CD101: variants seen among roughly 807,000 people sequenced by gnomAD.
CD101 encodes CD101 molecule, also known as immunoglobulin superfamily member 2.
A neutral mutation model predicts 98.2 loss-of-function variants in CD101; 76 were observed. The observed-to-expected ratio is 0.77, with a 90% CI of 0.64 to 0.94. The LOEUF (loss-of-function observed/expected upper bound fraction) is 0.94. CD101 is among the 40% of genes least tolerant of loss of function. CD101 has a pLI of 0.00. For missense variants in CD101, 1,145 were observed against 1,218.8 expected (o/e 0.94, Z 0.90); for synonymous variants, 471 against 472.7 (o/e 1.00, Z 0.05).
At chr1:117,030,486 AAGAG>A (rs781463130) in intron 8 of CD101, among the ~76,000 whole-genome samples, 1 of 151,994 alleles carries the variant, frequency 6.6e-6, no homozygotes, top group Admixed American at 6.6e-5. Flanking sequence ...GAGAAAGAGA[AAGAG>A]AGAAAGGGAA....
rs1654847594 is a variant in CD101 at position 117,036,533 on chromosome 1, C to CT, written c.*400dup. ...TGTGACAAGTAAAAAAAAAAAAAAA[C>CT]TCCTTTTCATCAAAACTCATGTTCT... is the stretch of plus-strand genomic sequence containing the variant. On this transcript the variant is annotated 3_prime_UTR_variant, in exon 10 of 10. Coordinates refer to ENST00000682167, the MANE Select transcript of CD101 (RefSeq NM_001256106.3). This position sits in a 1 kb window ranked among gnomAD's most constrained non-coding sequence, Gnocchi z 5.0. The CT allele has an allele frequency of 6.7e-6, 1 of 149,944 alleles. No homozygotes were observed. The highest frequency in any genetic ancestry group is 2.5e-5 in the African/African-American group (1 of 39,876). The allele number at this position is 149,944 out of a possible 1,614,324, so 9.3% of individuals were successfully genotyped here.
chr1:117,018,233 G>A lies in CD101; in HGVS notation c.1690G>A (p.Val564Met), dbSNP rs769266608. ...LTNTFDLSCV[V>M]RAGYSDLKVP... ...CAACACCTTTGACCTGTCCTGTGTC[G>A]TGAGGGCCGGTTACTCTGACCTCAA... Residue 564 changes from valine to methionine, a missense_variant, in exon 6 of 10, where the codon GTG becomes ATG. Val to Met is a conservative substitution (Grantham distance 21, BLOSUM62 1). Transcript: ENST00000682167. This position sits in a 1 kb window ranked among gnomAD's most constrained non-coding sequence, Gnocchi z 4.3. 1.6e-5 allele frequency: 26 copies of A among 1,614,124 alleles called. No individual in the cohort carries two copies. Among genetic ancestry groups the A allele is most frequent in the East Asian group, 2.2e-5 (1 of 44,884 alleles).
Position 117,011,900 on chromosome 1 carries a change from G to A in CD101, c.775G>A (p.Asp259Asn), listed in dbSNP as rs749560687. Residue 259 changes from aspartate to asparagine, a missense_variant, in exon 3 of 10, where the codon GAT (aspartate) becomes AAT (asparagine). Asp to Asn is a conservative substitution (Grantham distance 23, BLOSUM62 1). Transcript: ENST00000682167. ...GGCAACGGAATGGATTCAGGATCCA[G>A]ATGAAACTTGGATGTTCATCACCAA... ...CEATEWIQDP[D>N]ETWMFITKKQ... is the part of the protein sequence containing the mutation. The A allele has an allele frequency of 1.9e-5, 30 of 1,614,012 alleles. No homozygotes were observed. Among genetic ancestry groups the A allele is most frequent in the Non-Finnish European group, 2.4e-5 (28 of 1,180,030 alleles).
In CD101 at chr1:117,018,114, C is replaced by G; in HGVS notation, c.1613-42C>G. The G allele has an allele frequency of 6.7e-7, 1 of 1,500,228 alleles. No individual in the cohort carries two copies. The highest frequency in any genetic ancestry group is 8.9e-7 in the Non-Finnish European group (1 of 1,119,730). 92.9% of individuals were successfully genotyped at this position (1,500,228 alleles called of 1,614,324 possible). ...AAACTTGAAAGTGCTATATTTTAAT[C>G]TGGTAAATATATTAGAAATTCTGTT... On this transcript the variant is annotated intron_variant, in intron 5 of 9. Coordinates refer to ENST00000682167, the MANE Select transcript of CD101 (RefSeq NM_001256106.3). This position sits in a 1 kb window ranked among gnomAD's most constrained non-coding sequence, Gnocchi z 4.3.
intron 8 of CD101, chr1:117,032,244 G>GCCA (rs1163500235): frequency 6.6e-6 from 1 of 152,220 alleles, no homozygotes; most frequent in Non-Finnish European, 1.5e-5. Flanking sequence ...GTGATGATCT[G>GCCA]TACTTTGTAT....
chr1:117,015,002 G>A (rs1653122126), intron 4 of CD101, among the ~76,000 whole-genome samples: 1 of 152,176 alleles, frequency 6.6e-6, no homozygotes, highest in Non-Finnish European at 1.5e-5. Context: ...GCAGGCTTTT[G>A]TAAACCTGGT....
chr1:117,014,903 A>G (rs1043388321), intron 4 of CD101, among the ~76,000 whole-genome samples: 1 of 152,222 alleles, frequency 6.6e-6, no homozygotes, highest in African/African-American at 2.4e-5. Context: ...ACTTTCTAGA[A>G]TTAAGGAAAA....
Position 117,010,029 on chromosome 1 carries a change from AC to A in CD101, c.225del (p.Lys76ArgfsTer38). ...NPTQEVQIIS[T>X]KDAAFSYAVY... ...GACCCAGGAAGTCCAGATCATTAGC[AC>A]CAAGGATGCTGCCTTCTCTTACGCA... On this transcript the variant is annotated frameshift_variant, in exon 2 of 10. Coordinates refer to ENST00000682167, the MANE Select transcript of CD101 (RefSeq NM_001256106.3). LOFTEE classifies it high-confidence loss of function. The surrounding 1 kb of genome is among the most constrained non-coding windows in gnomAD (Gnocchi z 5.2). The A allele has an allele frequency of 6.2e-7, 1 of 1,614,200 alleles. No homozygotes were observed. The highest frequency in any genetic ancestry group is 8.5e-7 in the Non-Finnish European group (1 of 1,180,028).
chr1:117,014,555 C>A (rs549050002), intron 4 of CD101, among the ~76,000 whole-genome samples: 1 of 152,126 alleles, frequency 6.6e-6, no homozygotes, highest in East Asian at 1.9e-4. Flanking sequence ...GGTTGGGTGA[C>A]CTTAAACATG....
rs1250354825 is a variant in CD101 at position 117,023,290 on chromosome 1, T to C, written c.2428+1307T>C. ...GCCGTCTTCAGGAGGCAGCCACTGC[T>C]TAGCTCAAGTGCTTCCCATGTAGAA... On this transcript the variant is annotated intron_variant, in intron 7 of 9. Transcript: ENST00000682167. This position sits in a 1 kb window ranked among gnomAD's most constrained non-coding sequence, Gnocchi z 4.4. Among the ~76,000 whole-genome samples the C allele has an allele frequency of 6.6e-6, 1 of 152,266 alleles. No individual in the cohort carries two copies. Among genetic ancestry groups the C allele is most frequent in the Non-Finnish European group, 1.5e-5 (1 of 68,040 alleles).
In CD101 at chr1:117,025,584, G is replaced by C; in HGVS notation, c.2504G>C (p.Ser835Thr). Residue 835 changes from serine (S) to threonine (T), a missense_variant, in exon 8 of 10, where the codon AGC becomes ACC. Transcript: ENST00000682167. ...TEHREVAIRC[S>T]LESVGSSATL... ...CACAGAGAAGTGGCCATCCGCTGCA[G>C]CCTGGAGAGTGTAGGCAGCTCAGCC... 1 of 1,613,636 alleles carries C rather than the reference G, an allele frequency of 6.2e-7. No individual in the cohort carries two copies. The highest frequency in any genetic ancestry group is 1.7e-5 in the Admixed American group (1 of 60,024).
chr1:117,026,488 G>T (rs1653939339), intron 8 of CD101: 1 of 152,254 alleles, frequency 6.6e-6, no homozygotes, highest in Non-Finnish European at 1.5e-5. Context: ...CTCAGCAGAA[G>T]TTTTCTCCTG....
intron 1 of CD101, among the ~76,000 whole-genome samples, chr1:117,008,079 T>C (rs1652645789): frequency 6.6e-6 from 1 of 152,234 alleles, no homozygotes; most frequent in African/African-American, 2.4e-5. Context: ...TCTAAGGTGG[T>C]CTAACTTGTA....
chr1:117,006,337 T>C lies in CD101; in HGVS notation c.44-3513T>C, dbSNP rs1652529110. Among the ~76,000 whole-genome samples the C allele has an allele frequency of 6.6e-6, 1 of 152,140 alleles. No homozygotes were observed. Among genetic ancestry groups the C allele is most frequent in the African/African-American group, 2.4e-5 (1 of 41,454 alleles). On this transcript the variant is annotated intron_variant, in intron 1 of 9. Coordinates refer to ENST00000682167, the MANE Select transcript of CD101 (RefSeq NM_001256106.3). This position sits in a 1 kb window ranked among gnomAD's most constrained non-coding sequence, Gnocchi z 4.4. ...CTCCTACAATTACCTGATTGTCTAT[T>C]TCTAACTTCCATCATTCTGCACACA...
At chr1:117,025,436 A>G (rs2101145825) in intron 7 of CD101, 73 bp from the exon 8 acceptor site, 2 of 1,299,320 alleles carry the variant, frequency 1.5e-6, no homozygotes, top group East Asian at 2.3e-5. Flanking sequence ...CCCAGTGAGA[A>G]CTAGATTTTT....
Position 117,025,473 on chromosome 1 carries a change from C to T in CD101, c.2429-36C>T, listed in dbSNP as rs182431578. ...AGAGGTGGTATCCAAATCTGAAAGT[C>T]TGCATTCTCTAATTTACTGCCATTT... On this transcript the variant is annotated intron_variant, in intron 7 of 9. Coordinates refer to ENST00000682167, the MANE Select transcript of CD101 (RefSeq NM_001256106.3). 1.1e-5 allele frequency: 16 copies of T among 1,496,456 alleles called. No homozygotes were observed. In the East Asian group the frequency reaches 3.7e-4, roughly 34 times the overall value. 92.7% of individuals were successfully genotyped at this position (1,496,456 alleles called of 1,614,324 possible).
chr1:117,003,938 A>G (rs1354277623), intron 1 of CD101, among the ~76,000 whole-genome samples: 7 of 152,248 alleles, frequency 4.6e-5, no homozygotes, highest in Non-Finnish European at 8.8e-5. Context: ...ATAACGATCT[A>G]TTGATCAATT....
chr1:117,013,865 T>G lies in CD101; in HGVS notation c.1228+73T>G, dbSNP rs1653047570. 5.0e-6 allele frequency: 7 copies of G among 1,406,736 alleles called. No individual in the cohort carries two copies. The African/African-American group carries it at 7.2e-5, about 15-fold the overall frequency. 87.1% of individuals were successfully genotyped at this position (1,406,736 alleles called of 1,614,324 possible). A position where few individuals can be genotyped will look rare whatever the true frequency, so the allele number is the denominator to read the frequency against. On this transcript the variant is annotated intron_variant, in intron 4 of 9. Coordinates refer to ENST00000682167, the MANE Select transcript of CD101 (RefSeq NM_001256106.3). Reference sequence around the variant, plus strand: ...CCCTTGTCAGTGGAAGACCCCTTCGTGGATACAATGGGGATCTTCATGAAG... The same window carrying G: ...CCCTTGTCAGTGGAAGACCCCTTCGGGGATACAATGGGGATCTTCATGAAG...
chr1:117,005,551 G>A lies in CD101; in HGVS notation c.43+3691G>A, dbSNP rs1003878340. 6.6e-6 allele frequency among the ~76,000 whole-genome samples: 1 copy of A among 152,032 alleles called. No individual in the cohort carries two copies. The highest frequency in any genetic ancestry group is 1.5e-5 in the Non-Finnish European group (1 of 68,002). On this transcript the variant is annotated intron_variant, in intron 1 of 9. Coordinates refer to ENST00000682167, the MANE Select transcript of CD101 (RefSeq NM_001256106.3). This position sits in a 1 kb window ranked among gnomAD's most constrained non-coding sequence, Gnocchi z 4.4. ...AATGTTCTTCCCTTGATTTCCAGCC[G>A]CTGTGTCCTAGTTGCCCTCCATCTA...
Sources: allele counts gnomAD v4.1 joint callset (sites outside exome capture counted in the v4.1 genomes callset), GRCh38; gene constraint gnomAD v4.1.1; non-coding constraint Gnocchi (gnomAD v3.1); transcripts MANE v1.5; gene names NCBI Gene and HGNC (gene_info 2026-07-23, HGNC 2026-07-21).